DRAM2: variants seen among roughly 807,000 people sequenced by gnomAD.
DRAM2 encodes the protein DNA damage regulated autophagy modulator 2, also known as DNA damage-regulated autophagy modulator protein 2.
In DRAM2, 26 loss-of-function variants were observed where a neutral mutation model predicts 33.5. The observed-to-expected ratio is 0.78, with a 90% CI of 0.57 to 1.08. DRAM2 has a LOEUF of 1.08. DRAM2 is among the 50% of genes least tolerant of loss of function. The pLI, the probability that DRAM2 is intolerant of heterozygous loss-of-function variation, is 0.00. For synonymous variants in DRAM2, 98 were observed against 109.5 expected (o/e 0.89, Z 0.66); for missense variants, 311 against 318.1 (o/e 0.98, Z 0.17).
intron 5 of DRAM2, 85 bp from the exon 6 acceptor site, chr1:111,124,966 C>CCTG: frequency 8.8e-7 from 1 of 1,142,856 alleles, no homozygotes; most frequent in East Asian, 2.6e-5. Flanking sequence ...AAGGTCACTG[C>CCTG]TATCCAGAAT....
intron 2 of DRAM2, chr1:111,139,000 T>C (rs1439931635): frequency 6.6e-6 from 1 of 152,218 alleles, no homozygotes; most frequent in African/African-American, 2.4e-5. Context: ...CAGAAAGCCC[T>C]AAGCTGCTTT....
chr1:111,126,509 C>T (rs892993213), intron 4 of DRAM2, among the ~76,000 whole-genome samples: 1 of 151,910 alleles, frequency 6.6e-6, no homozygotes, highest in African/African-American at 2.4e-5. Context: ...AAGATTATTT[C>T]TCTTCCACAT....
At chr1:111,122,492 C>G (rs976013175) in intron 6 of DRAM2, 1 of 152,152 alleles carries the variant, frequency 6.6e-6, no homozygotes, top group African/African-American at 2.4e-5. Context: ...CTCTTCCAAG[C>G]CAATACCTGC....
At chr1:111,132,895 G>T (rs568281452) in intron 3 of DRAM2, among the ~76,000 whole-genome samples, 1 of 151,932 alleles carries the variant, frequency 6.6e-6, no homozygotes, top group African/African-American at 2.4e-5. Context: ...GCCCAGGCTG[G>T]TATCAAACTC....
In DRAM2 at chr1:111,118,090, A is replaced by G. The variant is rs1649268235; in HGVS notation, c.*70T>C. The G allele has an allele frequency of 6.9e-7, 1 of 1,442,356 alleles. No homozygotes were observed. The highest frequency in any genetic ancestry group is 9.7e-7 in the Non-Finnish European group (1 of 1,026,278). 89.3% of individuals were successfully genotyped at this position (1,442,356 alleles called of 1,614,324 possible). ...GTGGTTGAAAATTTCAGAGAAGAAT[A>G]AGCAACTTCTGTGAACCTTTCCCCA... On this transcript the variant is annotated 3_prime_UTR_variant, in exon 10 of 10. Coordinates refer to ENST00000484310, the MANE Select transcript of DRAM2 (RefSeq NM_001349884.2).
rs148579435 is a variant in DRAM2, at chr1:111,122,546, C to T, written c.340-1853G>A. The T allele has an allele frequency of 6.3e-3, 961 of 152,132 alleles. 6 individuals carry two copies. The highest frequency in any genetic ancestry group is 0.017 in the Middle Eastern group (5 of 294). The allele number at this position is 152,132 out of a possible 1,614,324, so 9.4% of individuals were successfully genotyped here. ...AGACCTGGTTTTGTAAAATTTTTCC[C>T]GTATAAATCACCTAGAGTTTGTCTC... On this transcript the variant is annotated intron_variant, in intron 6 of 9. Transcript: ENST00000484310.
Position 111,118,838 on chromosome 1 carries a change from AAAG to A in DRAM2, c.657_659del (p.Phe220del). ...CACGAATGTAAGTCAGGAAAAAACCAAAGAAGGAAAATGACATAGACCATTCTG... is the reference window on the plus strand; with the variant it reads ...CACGAATGTAAGTCAGGAAAAAACCAAAGGAAAATGACATAGACCATTCTG... On this transcript the variant is annotated inframe_deletion, in exon 9 of 10. Coordinates refer to ENST00000484310, the MANE Select transcript of DRAM2 (RefSeq NM_001349884.2). The A allele has an allele frequency of 6.2e-7, 1 of 1,610,410 alleles. No homozygotes were observed. The highest frequency in any genetic ancestry group is 8.5e-7 in the Non-Finnish European group (1 of 1,177,824).
chr1:111,134,082 G>A (rs1328749212), intron 3 of DRAM2, among the ~76,000 whole-genome samples: 1 of 152,002 alleles, frequency 6.6e-6, no homozygotes, highest in Non-Finnish European at 1.5e-5. Flanking sequence ...GGAGACAGAG[G>A]GCCTAAATAC....
chr1:111,122,587 G>T (rs1650256999), intron 6 of DRAM2: 1 of 152,004 alleles, frequency 6.6e-6, no homozygotes, highest in Non-Finnish European at 1.5e-5. Flanking sequence ...AAGAAAAGGG[G>T]GAAGTGGAGG....
At chr1:111,127,493 G>A (rs1651244177) in intron 4 of DRAM2, among the ~76,000 whole-genome samples, 1 of 150,860 alleles carries the variant, frequency 6.6e-6, no homozygotes, top group Non-Finnish European at 1.5e-5. Context: ...TGAAAATAGA[G>A]AAACAAAAAA....
At chr1:111,127,815 C>T (rs1452850824) in intron 4 of DRAM2, among the ~76,000 whole-genome samples, 5 of 152,068 alleles carry the variant, frequency 3.3e-5, no homozygotes, top group African/African-American at 1.2e-4. Flanking sequence ...ATGCCCATCA[C>T]CTCATTATCA....
intron 1 of DRAM2, 158 bp downstream of exon 1, chr1:111,139,880 A>T (rs1654202607): frequency 6.6e-6 from 1 of 151,674 alleles, no homozygotes; most frequent in Non-Finnish European, 1.5e-5. Context: ...GGAGGCAATG[A>T]GGGCCAGCAG....
At chr1:111,130,190 G>A (rs1284621089) in intron 4 of DRAM2, among the ~76,000 whole-genome samples, 2 of 152,052 alleles carry the variant, frequency 1.3e-5, no homozygotes, top group South Asian at 2.1e-4. Context: ...TACTTAATAC[G>A]TCAAAAATAT....
intron 2 of DRAM2, among the ~76,000 whole-genome samples, chr1:111,138,362 T>G (rs921576565): frequency 6.6e-6 from 1 of 152,280 alleles, no homozygotes; most frequent in Non-Finnish European, 1.5e-5. Context: ...CTTTGAAACC[T>G]GAAAGCATTG....
chr1:111,118,515 G>A, intron 9 of DRAM2: 1 of 490,658 alleles, frequency 2.0e-6, no homozygotes, highest in Non-Finnish European at 3.6e-6. Context: ...TAAATGTTGA[G>A]AATGACCTAT....
rs147979228 is a variant in DRAM2, at chr1:111,131,466, G to A, written c.89C>T (p.Ala30Val). Residue 30 changes from alanine to valine, a missense_variant, in exon 4 of 10, where the codon GCA becomes GTA. Ala to Val is a moderately conservative substitution (Grantham distance 64, BLOSUM62 0). Transcript: ENST00000484310. Reference sequence around the variant, plus strand: ...CGGGTCTATATGGTGGAGTGTTACTGCAGTAATGTATGAAAATATGAAAGC... The same window carrying A: ...CGGGTCTATATGGTGGAGTGTTACTACAGTAATGTATGAAAATATGAAAGC... ...SAAFIFSYIT[A>V]VTLHHIDPAL... is the part of the protein sequence containing the mutation. 7 of 1,613,966 alleles carry A rather than the reference G, an allele frequency of 4.3e-6. No homozygotes were observed. Among genetic ancestry groups the A allele is most frequent in the Non-Finnish European group, 5.9e-6 (7 of 1,179,958 alleles).
chr1:111,135,177 C>T (rs1652919820), intron 3 of DRAM2, among the ~76,000 whole-genome samples: 1 of 152,142 alleles, frequency 6.6e-6, no homozygotes, highest in Admixed American at 6.5e-5. Context: ...ATGAGTTGTA[C>T]AATTTCAAGT....
chr1:111,126,094 A>T lies in DRAM2; in HGVS notation c.199+133T>A, dbSNP rs1650951378. ...TTTTTCTTTTAAAAGGAGCATAATT[A>T]TGATCAATTATTTAGTGATAACATA... On this transcript the variant is annotated intron_variant, in intron 5 of 9. Coordinates refer to ENST00000484310, the MANE Select transcript of DRAM2 (RefSeq NM_001349884.2). The T allele has an allele frequency of 5.0e-5, 31 of 621,226 alleles. No homozygotes were observed. In the South Asian group the frequency reaches 6.9e-4, roughly 14 times the overall value. 38.5% of individuals were successfully genotyped at this position (621,226 alleles called of 1,614,324 possible).
rs773713617 is a variant in DRAM2, at chr1:111,119,946, T to C, written c.531A>G (p.Ser177=). 2 of 1,612,736 alleles carry C rather than the reference T, an allele frequency of 1.2e-6. No individual in the cohort carries two copies. Among genetic ancestry groups the C allele is most frequent in the South Asian group, 2.2e-5 (2 of 91,038 alleles). Reference sequence around the variant, plus strand: ...CAAAATTGCCACTGTGCAAAACTGATGAGCAAGTCAGCACTATAAAAACAT... The same window carrying C: ...CAAAATTGCCACTGTGCAAAACTGACGAGCAAGTCAGCACTATAAAAACAT... The part of the protein sequence containing the change: ...GVSALSMLTC[S]SVLHSGNFGT... The change falls in exon 8 of 10, where the codon TCA becomes TCG. Residue 177 remains serine, a synonymous_variant. Coordinates refer to ENST00000484310, the MANE Select transcript of DRAM2 (RefSeq NM_001349884.2).
Sources: allele counts gnomAD v4.1 joint callset (sites outside exome capture counted in the v4.1 genomes callset), GRCh38; gene constraint gnomAD v4.1.1; transcripts MANE v1.5; gene names NCBI Gene and HGNC (gene_info 2026-07-23, HGNC 2026-07-21).